The following VPS8 variants were observed in gnomAD, a reference collection of about 807,000 sequenced individuals.
The protein encoded by VPS8 is VPS8 subunit of CORVET complex, also known as vacuolar protein sorting-associated protein 8 homolog.
In VPS8, 129 loss-of-function variants were observed where a neutral mutation model predicts 216.4. The observed-to-expected ratio is 0.60, with a 90% CI of 0.52 to 0.69. VPS8 has a LOEUF of 0.69. VPS8 is among the 30% of genes least tolerant of loss of function. The pLI is 0.00. For synonymous variants in VPS8, 571 were observed against 565.4 expected (o/e 1.01, Z -0.14); for missense variants, 1,531 against 1,683.5 (o/e 0.91, Z 1.59).
intron 32 of VPS8, among the ~76,000 whole-genome samples, 153 bp from the exon 33 acceptor site, chr3:184,929,427 C>G (rs1229576390): frequency 1.3e-5 from 2 of 152,116 alleles, no homozygotes; most frequent in Admixed American, 6.6e-5. Flanking sequence ...TGGTCTCAAG[C>G]AGTCCTCTTG....
intron 45 of VPS8, among the ~76,000 whole-genome samples, chr3:185,018,794 A>G (rs1041163296): frequency 6.6e-6 from 1 of 152,216 alleles, no homozygotes; most frequent in Admixed American, 6.5e-5. Flanking sequence ...GGGAACTGCC[A>G]AGCCTCTAAA....
rs191714302 is a variant in VPS8 at position 184,987,264 on chromosome 3, C to T, written c.3585+4170C>T. On this transcript the variant is annotated intron_variant, in intron 42 of 47. Coordinates refer to ENST00000625842, the MANE Select transcript of VPS8 (RefSeq NM_001009921.3). ...AAATGGCTGGGATTACAGGCATACA[C>T]CACCGTGCCCAGCTAATTTTTGTAT... Among the ~76,000 whole-genome samples the T allele has an allele frequency of 1.1e-3, 162 of 152,258 alleles. 1 individual carries two copies. The highest frequency in any genetic ancestry group is 2.1e-3 in the Non-Finnish European group (142 of 68,016).
chr3:184,816,691 G>T (rs768349292), intron 1 of VPS8, among the ~76,000 whole-genome samples: 1 of 152,190 alleles, frequency 6.6e-6, no homozygotes, highest in Middle Eastern at 3.2e-3. Context: ...ACTGACAAGC[G>T]GTGGGTCTCT....
chr3:184,867,422 C>T (rs1275524207), intron 17 of VPS8, among the ~76,000 whole-genome samples: 1 of 152,148 alleles, frequency 6.6e-6, no homozygotes, highest in Non-Finnish European at 1.5e-5. Flanking sequence ...AGAAACATTT[C>T]TTCATTATTA....
At chr3:184,895,409 A>G (rs1733197246) in intron 23 of VPS8, among the ~76,000 whole-genome samples, 1 of 151,980 alleles carries the variant, frequency 6.6e-6, no homozygotes, top group Non-Finnish European at 1.5e-5. Context: ...GGTATATAAC[A>G]GGCAAGTTAT....
At chr3:185,007,462 T>G (rs887983970) in intron 45 of VPS8, among the ~76,000 whole-genome samples, 1 of 152,254 alleles carries the variant, frequency 6.6e-6, no homozygotes, top group Non-Finnish European at 1.5e-5. Context: ...AGCTTGCTAT[T>G]AATTGTTTAA....
At chr3:185,022,982 T>G (rs1214134759) in intron 45 of VPS8, among the ~76,000 whole-genome samples, 1 of 152,192 alleles carries the variant, frequency 6.6e-6, no homozygotes, top group Admixed American at 6.5e-5. Context: ...TTTCTTTAAA[T>G]GCTTTATTGA....
chr3:184,958,840 G>A (rs191904707), intron 37 of VPS8, among the ~76,000 whole-genome samples: 5 of 152,096 alleles, frequency 3.3e-5, no homozygotes, highest in Admixed American at 1.3e-4. Flanking sequence ...TTCTGAAATA[G>A]TTTTTTCTCC....
intron 9 of VPS8, 82 bp downstream of exon 9, chr3:184,849,277 C>CTTT (rs1337681437): frequency 2.9e-5 from 43 of 1,483,750 alleles, no homozygotes; most frequent in Non-Finnish European, 3.7e-5. Flanking sequence ...AGATCAAAGA[C>CTTT]CAAAATACGT....
chr3:184,974,069 A>G (rs565846030), intron 40 of VPS8, among the ~76,000 whole-genome samples: 3 of 152,300 alleles, frequency 2.0e-5, no homozygotes, highest in African/African-American at 7.2e-5. Context: ...AATACCCAGT[A>G]GTAGGATTGC....
chr3:184,938,326 T>C (rs1316201577), intron 35 of VPS8, among the ~76,000 whole-genome samples: 1 of 152,206 alleles, frequency 6.6e-6, no homozygotes, highest in African/African-American at 2.4e-5. Flanking sequence ...AAACATTAAG[T>C]GCTGAGGATA....
chr3:184,920,095 ATTAC>A, intron 28 of VPS8, 28 bp from the exon 29 acceptor site: 1 of 1,402,900 alleles, frequency 7.1e-7, no homozygotes, highest in Non-Finnish European at 9.6e-7. Flanking sequence ...GCAAATAATA[ATTAC>A]TTTAAAAAAT....
At chr3:185,028,547 G>A (rs1435480882) in intron 46 of VPS8, among the ~76,000 whole-genome samples, 1 of 152,190 alleles carries the variant, frequency 6.6e-6, no homozygotes, top group Non-Finnish European at 1.5e-5. Context: ...ACTGAAAGCA[G>A]AAAGACCAAT....
chr3:184,894,508 G>GTATATATATATATA (rs756172890), intron 22 of VPS8, among the ~76,000 whole-genome samples, 195 bp from the exon 23 acceptor site: 6,810 of 132,450 alleles, frequency 0.051, 288 homozygotes, highest in Non-Finnish European at 0.072. Context: ...ATATACACAC[G>GTATATATATATATA]TATATATATA....
At chr3:184,928,144 A>T (rs1209537537) in intron 31 of VPS8, among the ~76,000 whole-genome samples, 1 of 152,196 alleles carries the variant, frequency 6.6e-6, no homozygotes, top group African/African-American at 2.4e-5. Flanking sequence ...TTCTTGAAAG[A>T]TATATATGGA....
At chr3:184,911,793 C>T (rs1736581061) in intron 25 of VPS8, among the ~76,000 whole-genome samples, 2 of 152,180 alleles carry the variant, frequency 1.3e-5, no homozygotes, top group South Asian at 2.1e-4. Flanking sequence ...CTTACCCACC[C>T]CTCTTTCCTC....
At chr3:184,912,553 G>T (rs531914652) in intron 25 of VPS8, among the ~76,000 whole-genome samples, 21 of 152,162 alleles carry the variant, frequency 1.4e-4, no homozygotes, top group African/African-American at 4.6e-4. Context: ...TTGGGATTCT[G>T]AGACTTTATT....
rs397939506 is a variant in VPS8 at position 185,050,123 on chromosome 3, AT to A, written c.4137+1582del. ...AAAATATCTGTTTTCCTGGGAAATA[AT>A]TTTTTTTTTTTTTTTTTGCAATTGA... is the stretch of plus-strand genomic sequence containing the variant. On this transcript the variant is annotated intron_variant, in intron 47 of 47. Coordinates refer to ENST00000625842, the MANE Select transcript of VPS8 (RefSeq NM_001009921.3). Among the ~76,000 whole-genome samples the A allele has an allele frequency of 6.2e-3, 863 of 139,222 alleles. 3 individuals carry two copies. Among genetic ancestry groups the A allele is most frequent in the African/African-American group, 9.1e-3 (349 of 38,408 alleles). 91.3% of individuals were successfully genotyped at this position (139,222 alleles called of 152,430 possible).
intron 36 of VPS8, among the ~76,000 whole-genome samples, chr3:184,943,116 C>T (rs1486801342): frequency 1.3e-5 from 2 of 152,198 alleles, no homozygotes; most frequent in Admixed American, 6.5e-5. Context: ...TAGGCACACT[C>T]AGATATAGAG....
Sources: gnomAD v4.1 joint callset for allele counts (sites outside exome capture counted in the v4.1 genomes callset) on GRCh38, gnomAD v4.1.1 for gene constraint, MANE v1.5 for transcripts, NCBI Gene and HGNC (gene_info 2026-07-23, HGNC 2026-07-21) for gene names.